The following PDE3B variants were observed in gnomAD, a reference collection of about 807,000 sequenced individuals.
PDE3B encodes the protein cGMP-inhibited 3',5'-cyclic phosphodiesterase 3B.
Under a neutral mutation model 116.8 loss-of-function variants are expected in PDE3B, and 66 were observed. The observed-to-expected ratio is 0.56, with a 90% CI of 0.46 to 0.69. PDE3B has a LOEUF of 0.69. Ranked by LOEUF, PDE3B falls within the 30% of genes least tolerant of loss-of-function variation. The pLI, the probability that PDE3B is intolerant of heterozygous loss-of-function variation, is 0.00. For synonymous variants in PDE3B, 595 were observed against 533.6 expected (o/e 1.12, Z -1.59); for missense variants, 1,384 against 1,368.1 (o/e 1.01, Z -0.18).
intron 1 of PDE3B, among the ~76,000 whole-genome samples, chr11:14,704,580 T>C (rs1181186848): frequency 6.6e-6 from 1 of 151,730 alleles, no homozygotes. Context: ...GAATGGATAT[T>C]ATGGACAATA....
chr11:14,773,431 A>G (rs1857699762), intron 2 of PDE3B: 3 of 152,088 alleles, frequency 2.0e-5, no homozygotes, highest in Non-Finnish European at 4.4e-5. Flanking sequence ...ACTTTTCATA[A>G]TGTTCTTGGC....
intron 1 of PDE3B, among the ~76,000 whole-genome samples, chr11:14,761,942 T>A (rs1456218806): frequency 6.6e-6 from 1 of 152,146 alleles, no homozygotes; most frequent in East Asian, 1.9e-4. Context: ...TTAATTAAAG[T>A]CTACTCTGAT....
At chr11:14,892,256 T>G in the PDE3B span, 11 of 1,538,942 alleles carry the variant, frequency 7.1e-6, no homozygotes, top group East Asian at 4.7e-5. Context: ...ACCCAGGCAC[T>G]CCCTCCAGCC....
intron 1 of PDE3B, among the ~76,000 whole-genome samples, chr11:14,715,707 A>G (rs917176684): frequency 1.3e-5 from 2 of 152,194 alleles, no homozygotes; most frequent in Admixed American, 6.5e-5. Context: ...CTGCAAACAG[A>G]GACTATTTGA....
At chr11:14,825,075 A>G (rs553740726) in intron 7 of PDE3B, among the ~76,000 whole-genome samples, 1 of 152,332 alleles carries the variant, frequency 6.6e-6, no homozygotes. Flanking sequence ...AGATAAGCAA[A>G]TGCTGAGGAA....
rs1555007118 is a variant in PDE3B, at chr11:14,861,297, T to C, written c.2817T>C (p.Asn939=). 1.2e-6 allele frequency: 2 copies of C among 1,613,898 alleles called. No individual in the cohort carries two copies. Among genetic ancestry groups the C allele is most frequent in the Non-Finnish European group, 8.5e-7 (1 of 1,179,816 alleles). The change falls in exon 14 of 16, where the codon AAT becomes AAC. Residue 939 remains asparagine, a synonymous_variant. Transcript: ENST00000282096. ...CQVCIKLADI[N]GPAKVRDLHL... is the part of the protein sequence containing the mutation. ...TGTGCATCAAACTGGCAGATATAAA[T>C]GGCCCAGCAAAAGTTCGAGACTTGC...
intron 1 of PDE3B, among the ~76,000 whole-genome samples, chr11:14,655,762 G>A (rs749604556): frequency 4.6e-5 from 7 of 152,134 alleles, no homozygotes; most frequent in Admixed American, 1.3e-4. Context: ...AGAGACAGGC[G>A]TTGAGACTGG....
chr11:14,786,510 C>T lies in PDE3B; in HGVS notation c.1103C>T (p.Thr368Ile). Residue 368 changes from threonine to isoleucine, a missense_variant, in exon 3 of 16, where the codon ACT becomes ATT. Coordinates refer to ENST00000282096, the MANE Select transcript of PDE3B (RefSeq NM_000922.4). ...EARNMVSDLL[T>I]DPSLPPQVIS... is the part of the protein sequence containing the mutation. The stretch of plus-strand genomic sequence containing the variant: ...CGCAATATGGTGTCAGATCTTCTGA[C>T]TGATCCAAGCCTTCCACCACAAGTC... 1 of 1,612,706 alleles carries T rather than the reference C, an allele frequency of 6.2e-7. No homozygotes were observed. Among genetic ancestry groups the T allele is most frequent in the South Asian group, 1.1e-5 (1 of 91,050 alleles).
At chr11:14,679,264 T>C (rs1799586320) in intron 1 of PDE3B, among the ~76,000 whole-genome samples, 1 of 152,164 alleles carries the variant, frequency 6.6e-6, no homozygotes, top group African/African-American at 2.4e-5. Flanking sequence ...GGCTGGGATT[T>C]CCATTATAAT....
At chr11:14,886,219 ACT>A in the PDE3B span, 2 of 352,088 alleles carry the variant, frequency 5.7e-6, no homozygotes, top group Non-Finnish European at 1.1e-5. Context: ...CAGATAAAAG[ACT>A]CTGAGCAGAA....
chr11:14,674,448 C>G (rs1219652812), intron 1 of PDE3B: 36 of 614,534 alleles, frequency 5.9e-5, no homozygotes. Context: ...CTTGTTTGTC[C>G]TTAATGGCAA....
chr11:14,673,827 G>T (rs1854448967), intron 1 of PDE3B: 1 of 1,035,272 alleles, frequency 9.7e-7, no homozygotes, highest in Non-Finnish European at 1.5e-6. Context: ...AAGAATTTCG[G>T]CATACTGTGG....
rs566585567 is a variant in PDE3B, at chr11:14,804,198, A to G, written c.1522+148A>G. On this transcript the variant is annotated intron_variant, in intron 5 of 15. Coordinates refer to ENST00000282096, the MANE Select transcript of PDE3B (RefSeq NM_000922.4). ...GACTTAGCAGTTTGGGTTGGCTACTAATTGACCGTTTGCTAATTCTTTCAG... is the reference window on the plus strand; with the variant it reads ...GACTTAGCAGTTTGGGTTGGCTACTGATTGACCGTTTGCTAATTCTTTCAG... 5.2e-6 allele frequency: 3 copies of G among 579,278 alleles called. No individual in the cohort carries two copies. In the African/African-American group the frequency reaches 5.6e-5, roughly 11 times the overall value. The allele number at this position is 579,278 out of a possible 1,614,324, so 35.9% of individuals were successfully genotyped here. A position where few individuals can be genotyped will look rare whatever the true frequency, so the allele number is the denominator to read the frequency against.
At chr11:14,693,137 T>C (rs563314767) in intron 1 of PDE3B, among the ~76,000 whole-genome samples, 178 of 152,324 alleles carry the variant, frequency 1.2e-3, no homozygotes, top group African/African-American at 4.0e-3. Context: ...CCTAACTCTC[T>C]TCAATTCTGT....
chr11:14,763,669 T>C (rs1857420021), intron 1 of PDE3B, among the ~76,000 whole-genome samples: 2 of 152,116 alleles, frequency 1.3e-5, no homozygotes, highest in Admixed American at 1.3e-4. Context: ...AGCTGTAGGC[T>C]GGAGCACAGA....
chr11:14,840,783 GGATCTGTACTGATTTAT>G (rs1860196794), intron 11 of PDE3B, among the ~76,000 whole-genome samples: 1 of 152,208 alleles, frequency 6.6e-6, no homozygotes, highest in African/African-American at 2.4e-5. Context: ...CCAGCTGAAA[GGATCTGTACTGATTTAT>G]GATCAGTAGC....
At chr11:14,778,283 TA>T (rs1857854986) in intron 2 of PDE3B, among the ~76,000 whole-genome samples, 4 of 152,130 alleles carry the variant, frequency 2.6e-5, no homozygotes, top group Admixed American at 2.6e-4. Flanking sequence ...TCTGCAGACT[TA>T]AATGTCCCTG....
chr11:14,728,959 T>G (rs1484199345), intron 1 of PDE3B, among the ~76,000 whole-genome samples: 1 of 152,172 alleles, frequency 6.6e-6, no homozygotes, highest in Non-Finnish European at 1.5e-5. Flanking sequence ...ACAGCTTTTA[T>G]AGCAGTTTGC....
rs771035753 is a variant in PDE3B, at chr11:14,758,291, T to C, written c.979-13646T>C. 6.4e-3 allele frequency among the ~76,000 whole-genome samples: 948 copies of C among 147,428 alleles called. 3 individuals carry two copies. The highest frequency in any genetic ancestry group is 0.011 in the Non-Finnish European group (740 of 66,208). On this transcript the variant is annotated intron_variant, in intron 1 of 15. Transcript: ENST00000282096. ...AGGATTGACTTGGCGATGCGGGCTCTTTTTTGGTTCCATATGAACTTTAAA... is the reference window on the plus strand; with the variant it reads ...AGGATTGACTTGGCGATGCGGGCTCCTTTTTGGTTCCATATGAACTTTAAA...
Sources: allele counts gnomAD v4.1 joint callset (sites outside exome capture counted in the v4.1 genomes callset), GRCh38; gene constraint gnomAD v4.1.1; transcripts MANE v1.5; gene names NCBI Gene and HGNC (gene_info 2026-07-23, HGNC 2026-07-21).